The following KCNQ5 variants were observed in gnomAD, a reference collection of about 807,000 sequenced individuals.
KCNQ5 encodes the protein potassium voltage-gated channel subfamily Q member 5, also known as potassium voltage-gated channel subfamily KQT member 5.
In KCNQ5, 30 loss-of-function variants were observed where a neutral mutation model predicts 98.2. The observed-to-expected ratio is 0.31, with a 90% confidence interval of 0.23 to 0.41. The LOEUF (loss-of-function observed/expected upper bound fraction) is 0.41. Among genes scored for constraint, KCNQ5 ranks in the 10% least tolerant of loss-of-function variants. The pLI, the probability that KCNQ5 is intolerant of heterozygous loss-of-function variation, is 1.00. For missense variants in KCNQ5, 835 were observed against 1,182.5 expected (o/e 0.71, Z 4.31); for synonymous variants, 458 against 449.4 (o/e 1.02, Z -0.24).
At chr6:73,118,688 C>A (rs978556419) in intron 7 of KCNQ5, among the ~76,000 whole-genome samples, 16 of 152,270 alleles carry the variant, frequency 1.1e-4, no homozygotes, top group African/African-American at 3.9e-4. Context: ...ATTTCACAAT[C>A]ATGACTGATG....
At chr6:73,083,455 C>A (rs1243465801) in intron 5 of KCNQ5, among the ~76,000 whole-genome samples, 4 of 151,480 alleles carry the variant, frequency 2.6e-5, no homozygotes, top group Admixed American at 6.6e-5. Flanking sequence ...ATAGCTCCCA[C>A]AAAAGTTGAG....
At chr6:73,160,862 A>G (rs1457062422) in intron 10 of KCNQ5, among the ~76,000 whole-genome samples, 1 of 125,018 alleles carries the variant, frequency 8.0e-6, no homozygotes, top group African/African-American at 3.3e-5. Flanking sequence ...TCTTGAGAGC[A>G]TCCTCATTAT....
intron 1 of KCNQ5, among the ~76,000 whole-genome samples, chr6:72,740,095 T>C (rs886611745): frequency 1.4e-4 from 21 of 152,236 alleles, no homozygotes; most frequent in Admixed American, 9.8e-4. Flanking sequence ...CAAGTGTTTA[T>C]TACAGTAATC....
At chr6:72,988,149 C>A (rs1263276990) in intron 1 of KCNQ5, among the ~76,000 whole-genome samples, 1 of 152,132 alleles carries the variant, frequency 6.6e-6, no homozygotes, top group Admixed American at 6.6e-5. Flanking sequence ...GTACAGATGA[C>A]CTTTGTTGAG....
chr6:72,760,089 T>C (rs1772184735), intron 1 of KCNQ5, among the ~76,000 whole-genome samples: 1 of 152,106 alleles, frequency 6.6e-6, no homozygotes. Flanking sequence ...TCTGAAGAAA[T>C]GATTCCATAC....
rs1777938822 is a variant in KCNQ5, at chr6:73,169,801, T to C, written c.1524T>C (p.Asp508=). 1 of 1,614,094 alleles carries C rather than the reference T, an allele frequency of 6.2e-7. No individual in the cohort carries two copies. Among genetic ancestry groups the C allele is most frequent in the Non-Finnish European group, 8.5e-7 (1 of 1,179,918 alleles). ...DVYDEKGCQC[D]VSVEDLTPPL... ...ATGATGAAAAAGGATGCCAGTGTGA[T>C]GTATCAGTGGAAGACCTCACCCCAC... Residue 508 remains aspartate, a synonymous_variant, in exon 11 of 14, where the codon GAT becomes GAC. Transcript: ENST00000370398.
intron 1 of KCNQ5, among the ~76,000 whole-genome samples, chr6:72,682,945 C>T (rs867645065): frequency 1.3e-5 from 2 of 152,140 alleles, no homozygotes; most frequent in African/African-American, 4.8e-5. Context: ...CTGATCGCTG[C>T]CCCACTTAGA....
At chr6:73,135,135 A>C (rs1448883424) in intron 10 of KCNQ5, 2 of 152,180 alleles carry the variant, frequency 1.3e-5, no homozygotes, top group Non-Finnish European at 2.9e-5. Context: ...ACAATGAAAC[A>C]ATGTCAGGCA....
At chr6:73,180,644 C>T (rs1246745871) in intron 11 of KCNQ5, among the ~76,000 whole-genome samples, 1 of 152,224 alleles carries the variant, frequency 6.6e-6, no homozygotes, top group Non-Finnish European at 1.5e-5. Flanking sequence ...CAGTGGCTCT[C>T]AACCTTGGCC....
chr6:73,124,580 T>G, intron 9 of KCNQ5, 68 bp downstream of exon 9: 1 of 1,377,698 alleles, frequency 7.3e-7, no homozygotes, highest in Non-Finnish European at 1.0e-6. Flanking sequence ...TTTAAATGTG[T>G]CTCATGTGAG....
intron 1 of KCNQ5, among the ~76,000 whole-genome samples, chr6:72,734,221 C>CTGAA (rs1159575573): frequency 3.3e-5 from 5 of 152,308 alleles, no homozygotes; most frequent in African/African-American, 1.2e-4. Context: ...AAGTTCAAGA[C>CTGAA]TGAAAAATGT....
chr6:72,676,455 T>C (rs569418498), intron 1 of KCNQ5, among the ~76,000 whole-genome samples: 3 of 152,322 alleles, frequency 2.0e-5, no homozygotes, highest in Admixed American at 2.0e-4. Flanking sequence ...GTTTCCGTTG[T>C]ATGGTAAGTC....
intron 1 of KCNQ5, among the ~76,000 whole-genome samples, chr6:72,939,391 T>C (rs901563958): frequency 6.6e-5 from 10 of 152,194 alleles, no homozygotes; most frequent in African/African-American, 2.2e-4. Flanking sequence ...TTTTCTGCTT[T>C]AGGGAAATGC....
chr6:72,740,742 A>T (rs1211045396), intron 1 of KCNQ5, among the ~76,000 whole-genome samples: 1 of 152,142 alleles, frequency 6.6e-6, no homozygotes, highest in Non-Finnish European at 1.5e-5. Context: ...GTGTGCTGAA[A>T]GTGTCAGCAA....
chr6:72,746,132 A>G (rs1771393503), intron 1 of KCNQ5, among the ~76,000 whole-genome samples: 1 of 140,056 alleles, frequency 7.1e-6, no homozygotes, highest in Non-Finnish European at 1.5e-5. Context: ...ACCAGAGTTT[A>G]GGACTTCAAC....
At chr6:72,899,924 C>A (rs1562055343) in intron 1 of KCNQ5, among the ~76,000 whole-genome samples, 1 of 152,036 alleles carries the variant, frequency 6.6e-6, no homozygotes, top group Non-Finnish European at 1.5e-5. Flanking sequence ...CAGCTCACTG[C>A]AACCTCTGCC....
At position 73,060,138 on chromosome 6, in the gene KCNQ5, T is replaced by C. The variant is rs141857611; in HGVS notation, c.617-17184T>C. On this transcript the variant is annotated intron_variant, in intron 3 of 13. Coordinates refer to ENST00000370398, the MANE Select transcript of KCNQ5 (RefSeq NM_019842.4). ...CTAAAAAGAAGTCGTTTGTTCTCCT[T>C]AATTCAACACCTCTCAGAAATTGCC... 2.3e-4 allele frequency among the ~76,000 whole-genome samples: 35 copies of C among 152,290 alleles called. 2 individuals are homozygous for C. The East Asian group carries it at 3.9e-3, about 17-fold the overall frequency.
chr6:73,115,526 A>C (rs1775455540), intron 7 of KCNQ5, among the ~76,000 whole-genome samples: 1 of 152,218 alleles, frequency 6.6e-6, no homozygotes, highest in Non-Finnish European at 1.5e-5. Flanking sequence ...GGGATCCTAA[A>C]TGCTTTCTGA....
chr6:72,806,677 C>T (rs564557836), intron 1 of KCNQ5, among the ~76,000 whole-genome samples: 1 of 152,132 alleles, frequency 6.6e-6, no homozygotes, highest in African/African-American at 2.4e-5. Flanking sequence ...GCCCAATATT[C>T]CTATTATTAA....
Sources: allele counts gnomAD v4.1 joint callset (sites outside exome capture counted in the v4.1 genomes callset), GRCh38; gene constraint gnomAD v4.1.1; transcripts MANE v1.5; gene names NCBI Gene and HGNC (gene_info 2026-07-23, HGNC 2026-07-21).